The following PCDHA13 variants were observed in gnomAD, a reference collection of about 807,000 sequenced individuals.
PCDHA13 encodes protocadherin alpha-13.
Under a neutral mutation model 64.8 loss-of-function variants are expected in PCDHA13, and 54 were observed. The observed-to-expected ratio is 0.83, with a 90% confidence interval of 0.67 to 1.04. PCDHA13 has a LOEUF of 1.04. Among genes scored for constraint, PCDHA13 ranks in the 50% least tolerant of loss-of-function variants. The pLI is 0.00. For missense variants in PCDHA13, 1,248 were observed against 1,254.3 expected (o/e 0.99, Z 0.08); for synonymous variants, 587 against 564.4 (o/e 1.04, Z -0.57).
chr5:140,917,324 C>CGGGGGGGGGGGG (rs1299895515), intron 1 of PCDHA13, among the ~76,000 whole-genome samples: 1 of 76,120 alleles, frequency 1.3e-5, no homozygotes, highest in African/African-American at 4.3e-5. Context: ...GTTCATGTGG[C>CGGGGGGGGGGGG]GGGGGAGGGG....
intron 1 of PCDHA13, chr5:140,929,360 C>T (rs781864515): frequency 6.6e-7 from 1 of 1,519,748 alleles, no homozygotes; most frequent in Admixed American, 2.2e-5. Context: ...TTCCTTTGGC[C>T]CGGAGATGGC....
Position 141,011,476 on chromosome 5 carries a change from A to G in PCDHA13, c.*1539A>G, listed in dbSNP as rs2098420741. On this transcript the variant is annotated 3_prime_UTR_variant, in exon 4 of 4. Coordinates refer to ENST00000289272, the MANE Select transcript of PCDHA13 (RefSeq NM_018904.3). ...CTTTATTGTTGAATGTAATTCCATT[A>G]TATTTCCTTTTGTACACCTGTGAAA... 1 of 153,776 alleles carries G rather than the reference A, an allele frequency of 6.5e-6. No homozygotes were observed. 9.5% of individuals were successfully genotyped at this position (153,776 alleles called of 1,614,324 possible). A position where few individuals can be genotyped will look rare whatever the true frequency, so the allele number is the denominator to read the frequency against.
chr5:140,909,837 A>G (rs1385622846), intron 1 of PCDHA13, among the ~76,000 whole-genome samples: 3 of 152,190 alleles, frequency 2.0e-5, no homozygotes, highest in Non-Finnish European at 4.4e-5. Context: ...CTGGAGGACC[A>G]CCAGGACGTT....
Position 140,884,682 on chromosome 5 carries a change from A to C in PCDHA13, c.2394+20A>C. On this transcript the variant is annotated intron_variant, in intron 1 of 3. Transcript: ENST00000289272. ...AAAGAGGTAAGCTTATATTTTAAAAAATTGTCTTAGTAAACACTTTAGCCT... is the reference window on the plus strand; with the variant it reads ...AAAGAGGTAAGCTTATATTTTAAAACATTGTCTTAGTAAACACTTTAGCCT... 5 of 1,546,956 alleles carry C rather than the reference A, an allele frequency of 3.2e-6. No homozygotes were observed. Among genetic ancestry groups the C allele is most frequent in the Non-Finnish European group, 4.4e-6 (5 of 1,147,902 alleles).
At chr5:140,951,541 G>C (rs1029557427) in intron 1 of PCDHA13, among the ~76,000 whole-genome samples, 5 of 152,092 alleles carry the variant, frequency 3.3e-5, no homozygotes, top group African/African-American at 1.2e-4. Flanking sequence ...AGGAGCAAGG[G>C]ACGGGGGGAA....
Position 140,958,669 on chromosome 5 carries a change from A to G in PCDHA13, c.2395-20280A>G, listed in dbSNP as rs570899981. On this transcript the variant is annotated intron_variant, in intron 1 of 3. Coordinates refer to ENST00000289272, the MANE Select transcript of PCDHA13 (RefSeq NM_018904.3). ...CACAGAAAGCTATGATGAAATTTTA[A>G]TTATAAAGGATATTGAATATCCTAG... Among the ~76,000 whole-genome samples, 3 of 152,316 alleles carry G rather than the reference A, an allele frequency of 2.0e-5. No individual in the cohort carries two copies. In the East Asian group the frequency reaches 5.8e-4, roughly 29 times the overall value.
intron 1 of PCDHA13, among the ~76,000 whole-genome samples, chr5:140,912,933 C>T (rs1433213824): frequency 6.6e-6 from 1 of 152,070 alleles, no homozygotes; most frequent in African/African-American, 2.4e-5. Context: ...TTGAATCATC[C>T]TTGTATCCCT....
intron 1 of PCDHA13, among the ~76,000 whole-genome samples, chr5:140,947,807 G>T (rs542859945): frequency 3.6e-4 from 55 of 151,694 alleles, no homozygotes; most frequent in Non-Finnish European, 7.1e-4. Context: ...AATTTGCAGA[G>T]ACTATTTCTT....
At chr5:140,926,330 G>T (rs1269020840) in intron 1 of PCDHA13, 1 of 152,266 alleles carries the variant, frequency 6.6e-6, no homozygotes, top group East Asian at 1.9e-4. Flanking sequence ...CGGGGTCAGA[G>T]CGCCGGGACC....
intron 1 of PCDHA13, among the ~76,000 whole-genome samples, chr5:140,888,562 G>C (rs781854673): frequency 9.2e-5 from 14 of 152,112 alleles, no homozygotes; most frequent in Non-Finnish European, 1.8e-4. Context: ...TCCTTTCAAG[G>C]CTTCATTTTA....
At chr5:140,928,610 C>T (rs935238036) in intron 1 of PCDHA13, 1 of 1,614,254 alleles carries the variant, frequency 6.2e-7, no homozygotes, top group Non-Finnish European at 8.5e-7. Flanking sequence ...GTGCCCCGCT[C>T]TGCCAGGACT....
intron 1 of PCDHA13, chr5:140,967,776 C>T: frequency 1.2e-6 from 2 of 1,614,148 alleles, no homozygotes; most frequent in East Asian, 2.2e-5. Flanking sequence ...TATGTGCAGG[C>T]GACTGACCGG....
intron 1 of PCDHA13, among the ~76,000 whole-genome samples, chr5:140,918,027 G>A (rs782291548): frequency 8.5e-5 from 13 of 152,226 alleles, no homozygotes; most frequent in African/African-American, 1.9e-4. Context: ...ACCCATGAGC[G>A]TGGAAGGTCT....
At chr5:140,927,316 C>A in intron 1 of PCDHA13, 1 of 1,614,198 alleles carries the variant, frequency 6.2e-7, no homozygotes, top group Non-Finnish European at 8.5e-7. Flanking sequence ...GCCCGGAGCC[C>A]GCTTTACTCT....
intron 3 of PCDHA13, among the ~76,000 whole-genome samples, chr5:141,000,391 CTCTCTATATA>C (rs1171335262): frequency 2.9e-3 from 162 of 56,578 alleles, no homozygotes; most frequent in African/African-American, 4.6e-3. Flanking sequence ...CTCTCTCTCT[CTCTCTATATA>C]TATATATATA....
chr5:140,998,942 T>C (rs1435302179), intron 3 of PCDHA13, among the ~76,000 whole-genome samples: 4 of 152,222 alleles, frequency 2.6e-5, no homozygotes, highest in Non-Finnish European at 5.9e-5. Flanking sequence ...ATGAAGAAAC[T>C]GTAAGTCAAT....
chr5:140,944,608 G>A (rs2093673405), intron 1 of PCDHA13, among the ~76,000 whole-genome samples: 1 of 152,176 alleles, frequency 6.6e-6, no homozygotes, highest in Non-Finnish European at 1.5e-5. Flanking sequence ...AGAGTAGTGT[G>A]CTGTAGAAGT....
chr5:140,978,721 A>C (rs2096819896), intron 1 of PCDHA13, among the ~76,000 whole-genome samples: 1 of 152,236 alleles, frequency 6.6e-6, no homozygotes, highest in African/African-American at 2.4e-5. Flanking sequence ...CAAGATTATT[A>C]AATCTGGTCT....
Position 140,882,369 on chromosome 5 carries a change from C to G in PCDHA13, c.101C>G (p.Ser34Cys), listed in dbSNP as rs1554173809. Residue 34 changes from serine to cysteine, a missense_variant, in exon 1 of 4, where the codon TCC (serine) becomes TGC (cysteine). Transcript: ENST00000289272. ...WETGSGQLHY[S>C]VPEEAKHGTF... ...ACGGGTAGTGGCCAGCTCCACTACT[C>G]CGTCCCCGAGGAAGCAAAACACGGC... 2.5e-6 allele frequency: 4 copies of G among 1,614,104 alleles called. No homozygotes were observed. Among genetic ancestry groups the G allele is most frequent in the African/African-American group, 1.3e-5 (1 of 74,938 alleles).
Sources: gnomAD v4.1 joint callset for allele counts (sites outside exome capture counted in the v4.1 genomes callset) on GRCh38, gnomAD v4.1.1 for gene constraint, MANE v1.5 for transcripts, NCBI Gene and HGNC (gene_info 2026-07-23, HGNC 2026-07-21) for gene names.